RIMS1: variants seen among roughly 807,000 people sequenced by gnomAD.
RIMS1 encodes the protein regulating synaptic membrane exocytosis 1.
RIMS1 carries 83 observed loss-of-function variants against 214.1 expected under a neutral mutation model. The ratio of observed to expected loss-of-function variants is 0.39; its 90% CI spans 0.32 to 0.47. The LOEUF (loss-of-function observed/expected upper bound fraction) is 0.47. Ranked by LOEUF, RIMS1 falls within the 20% of genes least tolerant of loss-of-function variation. The pLI, the probability that RIMS1 is intolerant of heterozygous loss-of-function variation, is 0.99. For missense variants in RIMS1, 2,050 were observed against 2,161.8 expected, an observed-to-expected ratio of 0.95 and a Z score of 1.03; for synonymous variants, 793 against 786.8, an observed-to-expected ratio of 1.01 and a Z score of -0.13.
chr6:72,202,395 A>G (rs543282207), intron 6 of RIMS1, among the ~76,000 whole-genome samples: 23 of 152,106 alleles, frequency 1.5e-4, no homozygotes, highest in Non-Finnish European at 2.8e-4. Flanking sequence ...TTTTCTCTGT[A>G]TCTTCTCATG....
chr6:72,328,894 G>T (rs2096570461), intron 28 of RIMS1, among the ~76,000 whole-genome samples: 1 of 151,712 alleles, frequency 6.6e-6, no homozygotes, highest in Non-Finnish European at 1.5e-5. Flanking sequence ...AAATCTGCTG[G>T]CCAGCCGTCT....
At chr6:72,156,064 C>T in intron 4 of RIMS1, 2 of 363,574 alleles carry the variant, frequency 5.5e-6, no homozygotes, top group Admixed American at 3.1e-5. Context: ...GTATGGAGTT[C>T]CCTCAGAAAA....
intron 9 of RIMS1, among the ~76,000 whole-genome samples, chr6:72,238,179 A>G (rs2065099654): frequency 6.6e-6 from 1 of 152,090 alleles, no homozygotes; most frequent in Admixed American, 6.6e-5. Flanking sequence ...TTTTATAAAA[A>G]TAAATAGATG....
At chr6:72,246,839 A>G (rs1430114971) in intron 11 of RIMS1, among the ~76,000 whole-genome samples, 1 of 152,206 alleles carries the variant, frequency 6.6e-6, no homozygotes, top group Admixed American at 6.5e-5. Flanking sequence ...TAGAAATAAC[A>G]GTGTTCCTGT....
chr6:72,345,710 C>T (rs1383293228), intron 29 of RIMS1, among the ~76,000 whole-genome samples: 1 of 151,704 alleles, frequency 6.6e-6, no homozygotes, highest in African/African-American at 2.4e-5. Context: ...ACTTAGTACA[C>T]CATCACGGGA....
intron 2 of RIMS1, among the ~76,000 whole-genome samples, chr6:71,996,845 G>A (rs1803595802): frequency 6.6e-6 from 1 of 152,170 alleles, no homozygotes; most frequent in Non-Finnish European, 1.5e-5. Context: ...TTTATACTCT[G>A]CCCATTAAAA....
intron 29 of RIMS1, among the ~76,000 whole-genome samples, chr6:72,357,636 T>C (rs2097688997): frequency 6.6e-6 from 1 of 152,218 alleles, no homozygotes; most frequent in African/African-American, 2.4e-5. Flanking sequence ...GGGTCTCTAA[T>C]ACTTCCAAGC....
At chr6:72,128,229 CTT>C (rs2039906589) in intron 4 of RIMS1, among the ~76,000 whole-genome samples, 2 of 152,064 alleles carry the variant, frequency 1.3e-5, no homozygotes, top group Admixed American at 6.6e-5. Flanking sequence ...TGGCAAAAGT[CTT>C]ATTTAACCTT....
intron 2 of RIMS1, among the ~76,000 whole-genome samples, chr6:71,999,568 G>T (rs1174090427): frequency 6.6e-6 from 1 of 152,046 alleles, no homozygotes; most frequent in Non-Finnish European, 1.5e-5. Flanking sequence ...CCTAACCTTG[G>T]ATGGTTTTAA....
chr6:72,303,674 G>A (rs2094862383), intron 26 of RIMS1, among the ~76,000 whole-genome samples: 1 of 151,240 alleles, frequency 6.6e-6, no homozygotes, highest in South Asian at 2.1e-4. Flanking sequence ...GACATACATA[G>A]ATTAATATTA....
chr6:72,144,119 T>G (rs1299761762), intron 4 of RIMS1, among the ~76,000 whole-genome samples: 1 of 152,194 alleles, frequency 6.6e-6, no homozygotes, highest in Non-Finnish European at 1.5e-5. Context: ...TTAACCAATT[T>G]AAGATACAGT....
chr6:71,932,178 G>A (rs1195551558), intron 1 of RIMS1, among the ~76,000 whole-genome samples: 5 of 152,040 alleles, frequency 3.3e-5, no homozygotes, highest in Admixed American at 1.3e-4. Context: ...ACATGCACAC[G>A]TATGTTCATT....
intron 1 of RIMS1, among the ~76,000 whole-genome samples, chr6:71,901,608 T>C (rs1373117922): frequency 3.9e-5 from 6 of 152,042 alleles, no homozygotes; most frequent in Non-Finnish European, 5.9e-5. Context: ...TAGGCTCCTC[T>C]ATGGTGGCAA....
At chr6:72,357,957 C>A (rs1047487879) in intron 29 of RIMS1, among the ~76,000 whole-genome samples, 1 of 152,146 alleles carries the variant, frequency 6.6e-6, no homozygotes, top group Non-Finnish European at 1.5e-5. Flanking sequence ...TGATGCTCAA[C>A]GTCTTTACAT....
At chr6:72,191,324 T>G (rs896840829) in intron 6 of RIMS1, among the ~76,000 whole-genome samples, 1 of 152,240 alleles carries the variant, frequency 6.6e-6, no homozygotes, top group Non-Finnish European at 1.5e-5. Context: ...AGAGGGAATA[T>G]CTTGACAAGC....
intron 2 of RIMS1, among the ~76,000 whole-genome samples, chr6:72,008,098 A>G (rs557263077): frequency 5.3e-5 from 8 of 152,328 alleles, no homozygotes; most frequent in African/African-American, 1.4e-4. Context: ...CCACAAAGGG[A>G]AGCCCATCAG....
chr6:71,936,267 C>T (rs1245652330), intron 1 of RIMS1, among the ~76,000 whole-genome samples: 1 of 129,160 alleles, frequency 7.7e-6, no homozygotes, highest in African/African-American at 3.0e-5. Context: ...GCGGAGCTTG[C>T]AGTGAGCCGA....
chr6:71,954,859 CA>C, intron 1 of RIMS1, among the ~76,000 whole-genome samples: 1 of 141,178 alleles, frequency 7.1e-6, no homozygotes, highest in Non-Finnish European at 1.5e-5. Flanking sequence ...CACACACACA[CA>C]CACACACACT....
At chr6:72,247,415 A>G (rs2070585413) in intron 11 of RIMS1, among the ~76,000 whole-genome samples, 1 of 151,886 alleles carries the variant, frequency 6.6e-6, no homozygotes, top group South Asian at 2.1e-4. Context: ...CATGCCTGTA[A>G]TCCCAGCTAC....
Sources: gnomAD v4.1 joint callset for allele counts (sites outside exome capture counted in the v4.1 genomes callset) on GRCh38, gnomAD v4.1.1 for gene constraint, MANE v1.5 for transcripts, NCBI Gene and HGNC (gene_info 2026-07-23, HGNC 2026-07-21) for gene names.